Variants in CHN1 observed in about 807,000 individuals in gnomAD.
CHN1 encodes the protein chimerin 1.
In CHN1, 37 loss-of-function variants were observed where a neutral mutation model predicts 59.5. The ratio of observed to expected loss-of-function variants is 0.62; its 90% CI spans 0.48 to 0.82. The LOEUF (loss-of-function observed/expected upper bound fraction) is 0.82, where lower values mean the gene tolerates loss of function less well. CHN1 is among the 40% of genes least tolerant of loss of function. The pLI is 0.00. For missense variants in CHN1, 469 were observed against 571.0 expected (o/e 0.82, Z 1.82); for synonymous variants, 206 against 200.4 (o/e 1.03, Z -0.24).
At chr2:174,982,476 T>C (rs892423757) in intron 1 of CHN1, among the ~76,000 whole-genome samples, 1 of 152,218 alleles carries the variant, frequency 6.6e-6, no homozygotes, top group Admixed American at 6.5e-5. Context: ...CCTGACTTTT[T>C]AATGATCGCC....
At chr2:174,845,411 T>C (rs966149470) in intron 7 of CHN1, among the ~76,000 whole-genome samples, 3 of 152,124 alleles carry the variant, frequency 2.0e-5, no homozygotes, top group Non-Finnish European at 4.4e-5. Flanking sequence ...AAAAATCCTG[T>C]TAGATCAGGT....
intron 3 of CHN1, among the ~76,000 whole-genome samples, chr2:174,936,780 GAATT>G (rs1326093449): frequency 6.6e-6 from 1 of 152,028 alleles, no homozygotes; most frequent in African/African-American, 2.4e-5. Flanking sequence ...GCTAACTTCA[GAATT>G]AACTCTCCCA....
intron 4 of CHN1, among the ~76,000 whole-genome samples, chr2:174,918,187 C>A (rs1688905083): frequency 6.6e-6 from 1 of 151,926 alleles, no homozygotes; most frequent in Admixed American, 6.6e-5. Flanking sequence ...CACCCACATC[C>A]CACTGTACAT....
chr2:174,938,091 G>A (rs561236537), intron 3 of CHN1, among the ~76,000 whole-genome samples: 19 of 151,952 alleles, frequency 1.3e-4, no homozygotes, highest in African/African-American at 2.4e-4. Flanking sequence ...TGATCCTCCC[G>A]CCTCAACCTC....
At chr2:174,922,076 G>A (rs1312443256) in intron 3 of CHN1, among the ~76,000 whole-genome samples, 2 of 152,142 alleles carry the variant, frequency 1.3e-5, no homozygotes, top group African/African-American at 4.8e-5. Flanking sequence ...AAAACTCAGT[G>A]TACTAAGAAT....
intron 5 of CHN1, among the ~76,000 whole-genome samples, chr2:174,884,261 G>A (rs544099246): frequency 9.2e-5 from 14 of 152,110 alleles, no homozygotes; most frequent in Admixed American, 5.2e-4. Context: ...GTGAGCCACC[G>A]AGCCCGGCCT....
rs932998104 is a variant in CHN1 at position 174,955,228 on chromosome 2, T to C, written c.20-3026A>G. On this transcript the variant is annotated intron_variant, in intron 1 of 12. Transcript: ENST00000409900. ...TGATATATATATATATCTATATAGA[T>C]ATAGATATATAGAGATAAATAGATA... is the stretch of plus-strand genomic sequence containing the variant. Among the ~76,000 whole-genome samples, 7 of 145,716 alleles carry C rather than the reference T, an allele frequency of 4.8e-5. No homozygotes were observed. In the East Asian group the frequency reaches 7.9e-4, roughly 16 times the overall value.
intron 1 of CHN1, among the ~76,000 whole-genome samples, chr2:174,954,562 T>C (rs1261197099): frequency 6.6e-6 from 1 of 152,010 alleles, no homozygotes; most frequent in African/African-American, 2.4e-5. Flanking sequence ...AGGACTAATA[T>C]CCAGAATCTA....
chr2:174,923,002 G>A (rs1275871780), intron 3 of CHN1, among the ~76,000 whole-genome samples: 2 of 152,212 alleles, frequency 1.3e-5, no homozygotes, highest in Non-Finnish European at 2.9e-5. Context: ...CTCAAGGAAA[G>A]TGGGTGGAGA....
intron 6 of CHN1, among the ~76,000 whole-genome samples, chr2:174,876,390 T>TATA (rs910550792): frequency 1.3e-5 from 2 of 152,180 alleles, no homozygotes; most frequent in African/African-American, 4.8e-5. Context: ...CTGCAAAGAA[T>TATA]ATAATGTCAG....
intron 1 of CHN1, among the ~76,000 whole-genome samples, chr2:174,981,461 C>T (rs1559008717): frequency 6.6e-6 from 1 of 152,308 alleles, no homozygotes; most frequent in South Asian, 2.1e-4. Context: ...GTAAGCAACT[C>T]TATTTTTCAT....
At chr2:174,993,002 C>T (rs1230035607) in intron 1 of CHN1, among the ~76,000 whole-genome samples, 1 of 152,064 alleles carries the variant, frequency 6.6e-6, no homozygotes, top group Non-Finnish European at 1.5e-5. Flanking sequence ...ATTGCTCAGG[C>T]TGCTCTTGAA....
chr2:174,975,784 G>A (rs1414587268), intron 1 of CHN1, among the ~76,000 whole-genome samples: 4 of 152,012 alleles, frequency 2.6e-5, no homozygotes, highest in Non-Finnish European at 4.4e-5. Flanking sequence ...GAATTAATGA[G>A]CAGTTAGTTG....
intron 3 of CHN1, among the ~76,000 whole-genome samples, chr2:174,935,414 C>CA (rs1454514713): frequency 2.0e-5 from 3 of 152,234 alleles, no homozygotes; most frequent in African/African-American, 7.2e-5. Flanking sequence ...TTAATGCACA[C>CA]ATTTTGTAAG....
intron 3 of CHN1, among the ~76,000 whole-genome samples, chr2:174,929,942 C>G (rs1689285261): frequency 6.6e-6 from 1 of 152,196 alleles, no homozygotes; most frequent in African/African-American, 2.4e-5. Flanking sequence ...GTGTTTTCCT[C>G]TTAGTGTTGG....
intron 8 of CHN1, among the ~76,000 whole-genome samples, chr2:174,813,402 C>G (rs1685140852): frequency 2.0e-5 from 3 of 152,240 alleles, no homozygotes; most frequent in African/African-American, 7.2e-5. Context: ...GTTCAGTTAT[C>G]TGGAAGCCCC....
intron 5 of CHN1, among the ~76,000 whole-genome samples, chr2:174,878,667 G>A (rs1190643198): frequency 6.6e-6 from 1 of 152,232 alleles, no homozygotes; most frequent in Non-Finnish European, 1.5e-5. Flanking sequence ...AGGGCAGGAT[G>A]GCACAGAAAC....
intron 7 of CHN1, among the ~76,000 whole-genome samples, chr2:174,827,852 G>T (rs1460613457): frequency 6.6e-6 from 1 of 152,168 alleles, no homozygotes; most frequent in Non-Finnish European, 1.5e-5. Context: ...GGGGAAGAAT[G>T]ACATTAACAG....
chr2:174,967,468 T>C (rs1690627787), intron 1 of CHN1, among the ~76,000 whole-genome samples: 2 of 152,224 alleles, frequency 1.3e-5, no homozygotes, highest in Non-Finnish European at 2.9e-5. Flanking sequence ...ATAATATGCT[T>C]GATGAACATT....
Sources: allele counts gnomAD v4.1 joint callset (sites outside exome capture counted in the v4.1 genomes callset), GRCh38; gene constraint gnomAD v4.1.1; transcripts MANE v1.5; gene names NCBI Gene and HGNC (gene_info 2026-07-23, HGNC 2026-07-21).